The following CMIP variants were observed in gnomAD, a reference collection of about 807,000 sequenced individuals.
CMIP encodes the protein C-Maf-inducing protein.
Under a neutral mutation model 97.3 loss-of-function variants are expected in CMIP, and 13 were observed. That is an observed-to-expected ratio of 0.13 (90% CI 0.09 to 0.21). CMIP has a LOEUF of 0.21. CMIP is among the 10% of genes least tolerant of loss of function. CMIP has a pLI of 1.00. For missense variants in CMIP, 847 were observed against 1,024.9 expected (o/e 0.83, Z 2.37); for synonymous variants, 538 against 436.3 (o/e 1.23, Z -2.91).
At chr16:81,481,703 A>G (rs1277317112) in intron 1 of CMIP, among the ~76,000 whole-genome samples, 1 of 152,192 alleles carries the variant, frequency 6.6e-6, no homozygotes. Flanking sequence ...TCAGAAGTCC[A>G]CAGTGAGTCT....
chr16:81,456,419 C>T (rs78215035), intron 1 of CMIP, among the ~76,000 whole-genome samples: 4 of 152,326 alleles, frequency 2.6e-5, no homozygotes, highest in South Asian at 4.1e-4. Context: ...CCAGATGTCA[C>T]GACGAGTCCC....
intron 1 of CMIP, among the ~76,000 whole-genome samples, chr16:81,547,026 C>T (rs757902796): frequency 2.0e-5 from 3 of 152,110 alleles, no homozygotes; most frequent in South Asian, 2.1e-4. Flanking sequence ...TATTAAAGAC[C>T]GGCACATATT....
intron 2 of CMIP, among the ~76,000 whole-genome samples, chr16:81,608,043 A>G (rs1387387777): frequency 6.6e-6 from 1 of 152,224 alleles, no homozygotes; most frequent in Non-Finnish European, 1.5e-5. Context: ...AGGCCGTGAA[A>G]AGCAGATGAG....
chr16:81,701,964 TC>T (rs1288200390), intron 16 of CMIP, among the ~76,000 whole-genome samples, 164 bp downstream of exon 16: 1 of 152,188 alleles, frequency 6.6e-6, no homozygotes, highest in African/African-American at 2.4e-5. Flanking sequence ...TTTCAGGTAA[TC>T]AAAGAGAAGC....
chr16:81,596,520 A>G (rs1014527901), intron 1 of CMIP, among the ~76,000 whole-genome samples: 1 of 151,940 alleles, frequency 6.6e-6, no homozygotes, highest in Non-Finnish European at 1.5e-5. Flanking sequence ...AAAAAAAAAA[A>G]AAAAAAATTT....
intron 3 of CMIP, among the ~76,000 whole-genome samples, chr16:81,649,680 G>A (rs1414315267): frequency 6.6e-6 from 1 of 152,230 alleles, no homozygotes; most frequent in East Asian, 1.9e-4. Flanking sequence ...AAAGAATGAA[G>A]TCATTAATCT....
intron 1 of CMIP, among the ~76,000 whole-genome samples, chr16:81,540,685 T>TG (rs57551546): frequency 9.5e-5 from 13 of 137,376 alleles, no homozygotes; most frequent in Middle Eastern, 3.7e-3. Flanking sequence ...TGTGTGTGTG[T>TG]TTGTTTTTGT....
chr16:81,508,651 C>G (rs2089754589), intron 1 of CMIP, among the ~76,000 whole-genome samples: 1 of 152,152 alleles, frequency 6.6e-6, no homozygotes, highest in African/African-American at 2.4e-5. Context: ...GGTTATGCAC[C>G]TCTGGAATAT....
At position 81,677,762 on chromosome 16, in the gene CMIP, C is replaced by CA. The variant is rs552365052; in HGVS notation, c.1035-512dup. Among the ~76,000 whole-genome samples the CA allele has an allele frequency of 1.4e-3, 218 of 152,264 alleles. 2 individuals carry two copies. Among genetic ancestry groups the CA allele is most frequent in the African/African-American group, 5.2e-3 (214 of 41,538 alleles). ...AGTGGGGGTTCCGCAGACAGAAGGG[C>CA]AGATACTGAGCTTGCTCACTTGGCT... On this transcript the variant is annotated intron_variant, in intron 9 of 20. Transcript: ENST00000537098.
At chr16:81,545,228 A>C (rs986798052) in intron 1 of CMIP, among the ~76,000 whole-genome samples, 85 of 152,288 alleles carry the variant, frequency 5.6e-4, no homozygotes, top group African/African-American at 1.8e-3. Flanking sequence ...GGCTGACCAC[A>C]GGTACTGTGG....
At chr16:81,691,626 A>G (rs1264195956) in intron 10 of CMIP, 149 bp from the exon 11 acceptor site, 1 of 675,182 alleles carries the variant, frequency 1.5e-6, no homozygotes, top group Non-Finnish European at 2.7e-6. Context: ...TGACTTGCTC[A>G]TCCTGGAGGT....
chr16:81,520,700 A>G (rs928769401), intron 1 of CMIP: 2 of 152,182 alleles, frequency 1.3e-5, no homozygotes, highest in African/African-American at 2.4e-5. Flanking sequence ...AATTAAGTTG[A>G]TCAGAATTTC....
At chr16:81,570,105 C>T (rs1392881153) in intron 1 of CMIP, among the ~76,000 whole-genome samples, 1 of 152,196 alleles carries the variant, frequency 6.6e-6, no homozygotes, top group Non-Finnish European at 1.5e-5. Context: ...GATGGCCTCA[C>T]CCCTTCTGCA....
At chr16:81,550,337 G>GGT (rs1182551612) in intron 1 of CMIP, among the ~76,000 whole-genome samples, 3 of 152,160 alleles carry the variant, frequency 2.0e-5, no homozygotes, top group Non-Finnish European at 4.4e-5. Context: ...ATGGGTCATA[G>GGT]GTGTGTGTGT....
chr16:81,534,655 C>A (rs1036799771), intron 1 of CMIP, among the ~76,000 whole-genome samples: 46 of 148,670 alleles, frequency 3.1e-4, no homozygotes, highest in African/African-American at 1.1e-3. Flanking sequence ...AAAAAAAAAA[C>A]AAAACTATAG....
intron 1 of CMIP, among the ~76,000 whole-genome samples, chr16:81,593,347 C>T (rs577954710): frequency 6.7e-6 from 1 of 150,278 alleles, no homozygotes; most frequent in Non-Finnish European, 1.5e-5. Flanking sequence ...TTGAGATTGG[C>T]GAGAGGTGGT....
chr16:81,616,370 G>A lies in CMIP; in HGVS notation c.427-4506G>A, dbSNP rs1478700822. On this transcript the variant is annotated intron_variant, in intron 2 of 20. Coordinates refer to ENST00000537098, the MANE Select transcript of CMIP (RefSeq NM_198390.3). The surrounding 1 kb of genome is among the most constrained non-coding windows in gnomAD (Gnocchi z 4.7). ...AGGTGTGGGGAGGGCAGGGGCAGGC[G>A]CCGGAGTGTGCAGAGGCACCCCACT... Among the ~76,000 whole-genome samples the A allele has an allele frequency of 3.3e-5, 5 of 152,154 alleles. No individual in the cohort carries two copies. The highest frequency in any genetic ancestry group is 7.4e-5 in the Non-Finnish European group (5 of 68,012).
intron 1 of CMIP, among the ~76,000 whole-genome samples, chr16:81,574,748 C>A (rs1449890007): frequency 1.3e-5 from 2 of 152,134 alleles, no homozygotes; most frequent in Non-Finnish European, 2.9e-5. Flanking sequence ...GACAGGTCAC[C>A]ATCCCTGTTC....
intron 1 of CMIP, chr16:81,476,333 G>C: frequency 6.9e-7 from 1 of 1,447,344 alleles, no homozygotes; most frequent in Non-Finnish European, 9.7e-7. Flanking sequence ...TCACCACCCT[G>C]ATACATAAAC....
Sources: gnomAD v4.1 joint callset for allele counts (sites outside exome capture counted in the v4.1 genomes callset) on GRCh38, gnomAD v4.1.1 for gene constraint, Gnocchi (gnomAD v3.1) non-coding constraint, MANE v1.5 for transcripts, NCBI Gene and HGNC (gene_info 2026-07-23, HGNC 2026-07-21) for gene names.